The following CLIC5 variants were observed in gnomAD, a reference collection of about 807,000 sequenced individuals.
CLIC5 encodes chloride intracellular channel protein 5.
In CLIC5, 20 loss-of-function variants were observed where a neutral mutation model predicts 24.7. The observed-to-expected ratio is 0.81, with a 90% CI of 0.57 to 1.18. CLIC5 has a LOEUF of 1.18. Among genes scored for constraint, CLIC5 ranks in the 50% most tolerant of loss-of-function variants. The pLI is 0.00. For synonymous variants in CLIC5, 159 were observed against 135.6 expected (o/e 1.17, Z -1.20); for missense variants, 341 against 326.1 (o/e 1.05, Z -0.35).
intron 3 of CLIC5, 27 bp downstream of exon 3, chr6:45,949,229 C>G (rs1457753571): frequency 1.2e-6 from 2 of 1,605,560 alleles, no homozygotes; most frequent in African/African-American, 2.7e-5. Context: ...TCCCATTCAA[C>G]AGCCCCAGAA....
the CLIC5 span, among the ~76,000 whole-genome samples, chr6:46,086,480 T>G: frequency 6.6e-6 from 1 of 152,216 alleles, no homozygotes; most frequent in Admixed American, 6.5e-5. Flanking sequence ...GAGTTGAGAA[T>G]TCTTAATGAT....
intron 1 of CLIC5, among the ~76,000 whole-genome samples, chr6:46,060,284 G>A (rs965048790): frequency 2.6e-5 from 4 of 151,864 alleles, no homozygotes; most frequent in South Asian, 2.1e-4. Flanking sequence ...CCCTAAATAC[G>A]GTGTATTTAC....
intron 1 of CLIC5, among the ~76,000 whole-genome samples, chr6:45,985,961 C>T (rs1765720996): frequency 6.6e-6 from 1 of 152,116 alleles, no homozygotes; most frequent in Non-Finnish European, 1.5e-5. Context: ...GTAGGTCTTT[C>T]CCGTGCTAGT....
chr6:45,942,621 C>T (rs1764171230), intron 3 of CLIC5, among the ~76,000 whole-genome samples: 1 of 152,170 alleles, frequency 6.6e-6, no homozygotes, highest in Admixed American at 6.5e-5. Flanking sequence ...GGTGGGTTGC[C>T]TTACGTTTAA....
chr6:46,072,746 T>G (rs1762644083), intron 1 of CLIC5, among the ~76,000 whole-genome samples: 1 of 152,172 alleles, frequency 6.6e-6, no homozygotes, highest in South Asian at 2.1e-4. Flanking sequence ...GAAAAGGATT[T>G]GTTTCACCCC....
chr6:45,988,525 A>G (rs750934688), intron 1 of CLIC5, among the ~76,000 whole-genome samples: 5 of 152,364 alleles, frequency 3.3e-5, no homozygotes, highest in Middle Eastern at 3.4e-3. Context: ...TGAATTAACC[A>G]TCACAAGGGG....
chr6:45,978,752 T>G (rs1765468906), intron 1 of CLIC5, among the ~76,000 whole-genome samples: 1 of 151,186 alleles, frequency 6.6e-6, no homozygotes. Flanking sequence ...AAGTCAGGAG[T>G]CCAGCTGACC....
At position 45,902,943 on chromosome 6, in the gene CLIC5, G is replaced by A. The variant is rs551271527; in HGVS notation, c.*145C>T. On this transcript the variant is annotated 3_prime_UTR_variant, in exon 6 of 6. Transcript: ENST00000339561. ...TGCTGACCTTCATGAAAGATAGCAGGCTGGAGTTCCCATGATACCAGCAAG... is the reference window on the plus strand; with the variant it reads ...TGCTGACCTTCATGAAAGATAGCAGACTGGAGTTCCCATGATACCAGCAAG... 4.9e-6 allele frequency: 4 copies of A among 821,096 alleles called. No homozygotes were observed. The highest frequency in any genetic ancestry group is 2.5e-5 in the East Asian group (1 of 39,808). The allele number at this position is 821,096 out of a possible 1,614,324, so 50.9% of individuals were successfully genotyped here. A position where few individuals can be genotyped will look rare whatever the true frequency, so the allele number is the denominator to read the frequency against.
At chr6:46,021,574 ATTTATGCAACGGTATATCACT>A in intron 1 of CLIC5, among the ~76,000 whole-genome samples, 1 of 152,382 alleles carries the variant, frequency 6.6e-6, no homozygotes, top group East Asian at 1.9e-4. Flanking sequence ...AAGTGATAAC[ATTTATGCAACGGTATATCACT>A]TAGCGATAAA....
downstream of CLIC5, among the ~76,000 whole-genome samples, chr6:45,897,077 C>T (rs2127286950): frequency 6.6e-6 from 1 of 152,206 alleles, no homozygotes; most frequent in South Asian, 2.1e-4. Flanking sequence ...ACTCTGTGGT[C>T]ACATCAAGGA....
At chr6:45,958,439 T>TATATACACACACAC (rs1554151276) in intron 1 of CLIC5, among the ~76,000 whole-genome samples, 1 of 12,394 alleles carries the variant, frequency 8.1e-5, no homozygotes, top group African/African-American at 2.4e-4. Context: ...TATATATATA[T>TATATACACACACAC]ATATATATAT....
upstream of CLIC5, among the ~76,000 whole-genome samples, chr6:46,016,247 G>A (rs905367688): frequency 6.6e-6 from 1 of 151,852 alleles, no homozygotes; most frequent in East Asian, 1.9e-4. Flanking sequence ...GAGAGGAGAT[G>A]GCTCTCAAGT....
At chr6:45,962,014 GTA>G (rs896528932) in intron 1 of CLIC5, among the ~76,000 whole-genome samples, 4 of 146,106 alleles carry the variant, frequency 2.7e-5, no homozygotes, top group African/African-American at 5.4e-5. Flanking sequence ...AGCACAACAT[GTA>G]TGTGTGTGTG....
At chr6:46,090,001 G>A in the CLIC5 span, among the ~76,000 whole-genome samples, 1 of 152,080 alleles carries the variant, frequency 6.6e-6, no homozygotes, top group South Asian at 2.1e-4. Flanking sequence ...TCTGCTGTTT[G>A]TAATAAGATT....
intron 1 of CLIC5, among the ~76,000 whole-genome samples, chr6:45,974,461 T>C (rs1765309891): frequency 6.7e-6 from 1 of 148,412 alleles, no homozygotes; most frequent in Admixed American, 6.8e-5. Flanking sequence ...GTTTTTCATG[T>C]CTTGGGAAGC....
chr6:46,057,856 A>G (rs890956348), intron 1 of CLIC5, among the ~76,000 whole-genome samples: 6 of 152,172 alleles, frequency 3.9e-5, no homozygotes, highest in African/African-American at 1.2e-4. Context: ...TCCCTGCTCT[A>G]CTGACTCTAT....
intron 1 of CLIC5, among the ~76,000 whole-genome samples, chr6:45,966,246 T>A (rs1434185680): frequency 6.6e-6 from 1 of 152,280 alleles, no homozygotes; most frequent in East Asian, 1.9e-4. Flanking sequence ...ATGAAAAAAG[T>A]TTTTGCAAAA....
chr6:46,063,129 T>G (rs1762338674), intron 1 of CLIC5, among the ~76,000 whole-genome samples: 2 of 152,224 alleles, frequency 1.3e-5, no homozygotes, highest in African/African-American at 4.8e-5. Context: ...CAAAATATGT[T>G]GCTATAGCTG....
At chr6:46,094,738 A>G in the CLIC5 span, among the ~76,000 whole-genome samples, 1 of 152,140 alleles carries the variant, frequency 6.6e-6, no homozygotes, top group Non-Finnish European at 1.5e-5. Context: ...TTCCAGGTAC[A>G]TGGTGCAAGC....
Sources: gnomAD v4.1 joint callset for allele counts (sites outside exome capture counted in the v4.1 genomes callset) on GRCh38, gnomAD v4.1.1 for gene constraint, MANE v1.5 for transcripts, NCBI Gene and HGNC (gene_info 2026-07-23, HGNC 2026-07-21) for gene names.